The following EXTL3 variants were observed in gnomAD, a reference collection of about 807,000 sequenced individuals.
EXTL3 encodes exostosin like glycosyltransferase 3.
Under a neutral mutation model 69.3 loss-of-function variants are expected in EXTL3, and 27 were observed. The ratio of observed to expected loss-of-function variants is 0.39; its 90% confidence interval spans 0.29 to 0.54. EXTL3 has a LOEUF of 0.54. Among genes scored for constraint, EXTL3 ranks in the 20% least tolerant of loss-of-function variants. The pLI, the probability that EXTL3 is intolerant of heterozygous loss-of-function variation, is 0.69. For synonymous variants in EXTL3, 511 were observed against 499.4 expected, an observed-to-expected ratio of 1.02 and a Z score of -0.31; for missense variants, 1,003 against 1,231.8, an observed-to-expected ratio of 0.81 and a Z score of 2.78.
chr8:28,723,951 A>G (rs1004461651), intron 3 of EXTL3, among the ~76,000 whole-genome samples: 4 of 151,084 alleles, frequency 2.6e-5, no homozygotes, highest in African/African-American at 9.7e-5. Flanking sequence ...AGGTCTTAGG[A>G]CTTCTGACAA....
Position 28,713,438 on chromosome 8 carries a change from GT to G in EXTL3, c.-569-8del, listed in dbSNP as rs903746640. On this transcript the variant is annotated intron_variant, in intron 1 of 6. Coordinates refer to ENST00000220562, the MANE Select transcript of EXTL3 (RefSeq NM_001440.4). ...TGTCACTGTTCTATTTTTGTTTTTT[GT>G]TTTTTTTTTTAAATCAGGAGAGCAA... The G allele has an allele frequency of 0.013, 6,425 of 485,834 alleles. 10 individuals carry two copies. Among genetic ancestry groups the G allele is most frequent in the African/African-American group, 0.028 (1,358 of 48,850 alleles). 30.1% of individuals were successfully genotyped at this position (485,834 alleles called of 1,614,324 possible).
intron 1 of EXTL3, among the ~76,000 whole-genome samples, chr8:28,704,663 CT>C (rs954475620): frequency 9.4e-5 from 14 of 148,360 alleles, no homozygotes; most frequent in East Asian, 2.0e-4. Flanking sequence ...TTTTCTTTTT[CT>C]TTTTTTTTTC....
chr8:28,625,021 C>CA (rs1563427791), intron 1 of EXTL3, among the ~76,000 whole-genome samples: 1 of 152,310 alleles, frequency 6.6e-6, no homozygotes, highest in East Asian at 1.9e-4. Context: ...TGTATGCTTC[C>CA]AAAAAGGCAC....
upstream of EXTL3, chr8:28,698,519 T>C (rs1207270152): frequency 6.6e-6 from 1 of 152,246 alleles, no homozygotes; most frequent in Admixed American, 6.5e-5. Flanking sequence ...GTTTAGCTTA[T>C]TGCCTGGCAA....
At chr8:28,728,944 AT>A (rs1801472104) in intron 3 of EXTL3, among the ~76,000 whole-genome samples, 1 of 152,134 alleles carries the variant, frequency 6.6e-6, no homozygotes, top group African/African-American at 2.4e-5. Flanking sequence ...GGGATCATCA[AT>A]TTCACATGCC....
At position 28,713,487 on chromosome 8, in the gene EXTL3, A is replaced by G. The variant is rs1467963055; in HGVS notation, c.-539A>G. 1.4e-6 allele frequency: 1 copy of G among 700,426 alleles called. No individual in the cohort carries two copies. The highest frequency in any genetic ancestry group is 2.6e-6 in the Non-Finnish European group (1 of 384,264). The allele number at this position is 700,426 out of a possible 1,614,324, so 43.4% of individuals were successfully genotyped here. A position where few individuals can be genotyped will look rare whatever the true frequency, so the allele number is the denominator to read the frequency against. On this transcript the variant is annotated 5_prime_UTR_variant, in exon 2 of 7. Coordinates refer to ENST00000220562, the MANE Select transcript of EXTL3 (RefSeq NM_001440.4). ...CAAGCCCTGGAGGTTCACTCTTTCA[A>G]GAAGTCGTGTGCTGAGGTGTAATGC...
intron 1 of EXTL3, among the ~76,000 whole-genome samples, chr8:28,631,157 C>G (rs77698993): frequency 3.1e-5 from 3 of 96,168 alleles, no homozygotes; most frequent in Non-Finnish European, 6.7e-5. Flanking sequence ...TTTTTTTTTT[C>G]TGGAGCTAAA....
chr8:28,679,442 C>T (rs1807443782), intron 1 of EXTL3, among the ~76,000 whole-genome samples: 2 of 151,746 alleles, frequency 1.3e-5, no homozygotes, highest in Non-Finnish European at 2.9e-5. Context: ...AAGATGCTGT[C>T]TCAAAAAAAA....
At chr8:28,660,448 A>T (rs1037017223) in intron 1 of EXTL3, among the ~76,000 whole-genome samples, 3 of 152,174 alleles carry the variant, frequency 2.0e-5, no homozygotes, top group Non-Finnish European at 4.4e-5. Context: ...CACATACTGT[A>T]TATACACACA....
chr8:28,659,591 G>T (rs1807074786), intron 1 of EXTL3, among the ~76,000 whole-genome samples: 1 of 152,124 alleles, frequency 6.6e-6, no homozygotes, highest in African/African-American at 2.4e-5. Context: ...TTACTTCTAT[G>T]TCAGCTTCTA....
At chr8:28,610,181 C>T (rs1042754042) in intron 2 of EXTL3, among the ~76,000 whole-genome samples, 1 of 151,166 alleles carries the variant, frequency 6.6e-6, no homozygotes, top group African/African-American at 2.5e-5. Context: ...CCAGACTGAG[C>T]GACAGAGCGA....
intron 3 of EXTL3, among the ~76,000 whole-genome samples, chr8:28,726,455 A>G (rs1002797882): frequency 1.3e-5 from 2 of 152,174 alleles, no homozygotes; most frequent in Non-Finnish European, 2.9e-5. Context: ...TTTTGCGGCT[A>G]TAGGGAAAAG....
At chr8:28,748,315 G>A (rs1222727357) in intron 6 of EXTL3, among the ~76,000 whole-genome samples, 3 of 151,144 alleles carry the variant, frequency 2.0e-5, no homozygotes, top group Admixed American at 6.6e-5. Flanking sequence ...AGTTCGTAGT[G>A]AGCCGAGATC....
At chr8:28,747,253 A>G (rs1354814227) in intron 6 of EXTL3, among the ~76,000 whole-genome samples, 1 of 152,194 alleles carries the variant, frequency 6.6e-6, no homozygotes, top group Non-Finnish European at 1.5e-5. Flanking sequence ...GTGGAAGAGC[A>G]ATAACTCAGT....
chr8:28,737,696 T>C, intron 5 of EXTL3, 33 bp downstream of exon 5: 2 of 1,612,602 alleles, frequency 1.2e-6, no homozygotes, highest in Non-Finnish European at 1.7e-6. Context: ...GGCATCGACT[T>C]GGTGAGAGTT....
chr8:28,673,144 T>A (rs1365594201), intron 1 of EXTL3, among the ~76,000 whole-genome samples: 1 of 152,160 alleles, frequency 6.6e-6, no homozygotes, highest in East Asian at 1.9e-4. Flanking sequence ...ACTAATAGAG[T>A]AAGCAGAATT....
chr8:28,707,115 A>C (rs1220158670), intron 1 of EXTL3, among the ~76,000 whole-genome samples: 1 of 152,224 alleles, frequency 6.6e-6, no homozygotes, highest in Non-Finnish European at 1.5e-5. Flanking sequence ...TGAAAAATGT[A>C]ATGAGGTGTT....
intron 1 of EXTL3, among the ~76,000 whole-genome samples, chr8:28,681,645 C>T (rs1027364753): frequency 1.4e-4 from 22 of 152,136 alleles, no homozygotes; most frequent in African/African-American, 5.1e-4. Context: ...ATTTCATTTC[C>T]TTTGGGTAAA....
chr8:28,662,756 A>T (rs1003136732), intron 1 of EXTL3, among the ~76,000 whole-genome samples: 4 of 152,150 alleles, frequency 2.6e-5, no homozygotes, highest in African/African-American at 9.7e-5. Flanking sequence ...TCTAAAAAAT[A>T]CAAAAATTAG....
Sources: gnomAD v4.1 joint callset for allele counts (sites outside exome capture counted in the v4.1 genomes callset) on GRCh38, gnomAD v4.1.1 for gene constraint, MANE v1.5 for transcripts, NCBI Gene and HGNC (gene_info 2026-07-23, HGNC 2026-07-21) for gene names.